EGLN3: variants seen among roughly 807,000 people sequenced by gnomAD.
The protein encoded by EGLN3 is prolyl hydroxylase EGLN3.
Under a neutral mutation model 26.0 loss-of-function variants are expected in EGLN3, and 15 were observed. The ratio of observed to expected loss-of-function variants is 0.58; its 90% confidence interval spans 0.39 to 0.89. EGLN3 has a LOEUF of 0.89. Among genes scored for constraint, EGLN3 ranks in the 40% least tolerant of loss-of-function variants. The probability of loss-of-function intolerance (pLI) is 0.00; values close to 1 mark genes in which losing one functional copy is unlikely to be tolerated. For synonymous variants in EGLN3, 147 were observed against 127.2 expected (o/e 1.16, Z -1.05); for missense variants, 238 against 311.6 (o/e 0.76, Z 1.78).
Position 33,939,506 on chromosome 14 carries a change from G to A in EGLN3, c.358-8291C>T, listed in dbSNP as rs1368645859. ...ATTGCAGGCGTGAGCCACCGCGCCC[G>A]GCCGAAACAATCTTAAAACAGGAGA... On this transcript the variant is annotated intron_variant, in intron 1 of 4. Transcript: ENST00000250457. Among the ~76,000 whole-genome samples the A allele has an allele frequency of 6.1e-5, 7 of 114,120 alleles. No homozygotes were observed. The East Asian group carries it at 1.1e-3, about 18-fold the overall frequency. The allele number at this position is 114,120 out of a possible 152,430, so 74.9% of individuals were successfully genotyped here.
intron 3 of EGLN3, 35 bp downstream of exon 3, chr14:33,929,041 A>G: frequency 6.2e-7 from 1 of 1,609,186 alleles, no homozygotes; most frequent in Non-Finnish European, 8.5e-7. Context: ...TTGTACACCA[A>G]GCTCCGGAAG....
At chr14:33,941,953 A>T (rs376596995) in intron 1 of EGLN3, among the ~76,000 whole-genome samples, 128 of 152,336 alleles carry the variant, frequency 8.4e-4, no homozygotes, top group Middle Eastern at 3.4e-3. Context: ...GTGGTGGGAA[A>T]TTAAGTGTAG....
Position 33,929,158 on chromosome 14 carries a change from C to T in EGLN3, c.532G>A (p.Val178Met). ...FPEGKSFIAD[V>M]EPIFDRLLFF... Reference sequence around the variant, plus strand: ...AGGAGTCTGTCAAAAATGGGCTCCACATCTGCTATGAATGATTTCCCCTCT... The same window carrying T: ...AGGAGTCTGTCAAAAATGGGCTCCATATCTGCTATGAATGATTTCCCCTCT... Residue 178 changes from valine to methionine, a missense_variant, in exon 3 of 5, where the codon GTG becomes ATG. Coordinates refer to ENST00000250457, the MANE Select transcript of EGLN3 (RefSeq NM_022073.4). 1 of 1,614,224 alleles carries T rather than the reference C, an allele frequency of 6.2e-7. No individual in the cohort carries two copies. The highest frequency in any genetic ancestry group is 8.5e-7 in the Non-Finnish European group (1 of 1,180,028).
intron 1 of EGLN3, 62 bp downstream of exon 1, chr14:33,950,334 G>T: frequency 6.7e-7 from 1 of 1,491,540 alleles, no homozygotes. Flanking sequence ...GACATACAAC[G>T]GACTCCGAGT....
In EGLN3 at chr14:33,950,699, G is replaced by T; in HGVS notation, c.54C>A (p.Tyr18Ter). The stretch of plus-strand genomic sequence containing the variant: ...CCACCTCGTGCAGACAGGGCACGAT[G>T]TACTCCAGGGCAATTTTCTCCAGGT... ...RLDLEKIALE[Y>*]IVPCLHEVGF... The change falls in exon 1 of 5, where the codon TAC becomes TAA. Residue 18 changes from tyrosine (Y) to a stop codon, truncating the protein, a stop_gained. Transcript: ENST00000250457. LOFTEE classifies it high-confidence loss of function. 6.2e-7 allele frequency: 1 copy of T among 1,614,022 alleles called. No homozygotes were observed. The highest frequency in any genetic ancestry group is 8.5e-7 in the Non-Finnish European group (1 of 1,179,962).
chr14:33,944,065 T>C (rs1168909428), intron 1 of EGLN3, among the ~76,000 whole-genome samples: 1 of 152,218 alleles, frequency 6.6e-6, no homozygotes, highest in Non-Finnish European at 1.5e-5. Flanking sequence ...CTACTGACCC[T>C]GGTCCCAGTC....
At chr14:33,932,204 T>C (rs1321718744) in intron 1 of EGLN3, among the ~76,000 whole-genome samples, 2 of 152,238 alleles carry the variant, frequency 1.3e-5, no homozygotes, top group Admixed American at 6.5e-5. Flanking sequence ...CACTGATGTA[T>C]TCTTAGCACC....
intron 1 of EGLN3, among the ~76,000 whole-genome samples, chr14:33,935,123 C>T (rs969326723): frequency 1.3e-5 from 2 of 152,200 alleles, no homozygotes; most frequent in African/African-American, 4.8e-5. Context: ...CTGCATTTAG[C>T]TCATTTACAC....
intron 1 of EGLN3, among the ~76,000 whole-genome samples, chr14:33,939,238 T>C (rs1376437405): frequency 3.3e-5 from 5 of 150,688 alleles, no homozygotes; most frequent in African/African-American, 1.2e-4. Flanking sequence ...TGAGACGGAG[T>C]CTCGCTCTGT....
chr14:33,932,724 G>C (rs1294548433), intron 1 of EGLN3, among the ~76,000 whole-genome samples: 1 of 152,170 alleles, frequency 6.6e-6, no homozygotes, highest in Admixed American at 6.6e-5. Flanking sequence ...TAGGCTGTTA[G>C]CTTGAACATC....
chr14:33,939,572 C>T (rs2064468681), intron 1 of EGLN3, among the ~76,000 whole-genome samples: 1 of 152,186 alleles, frequency 6.6e-6, no homozygotes, highest in Non-Finnish European at 1.5e-5. Context: ...AACAGATCTG[C>T]TGAATGAAAG....
intron 1 of EGLN3, 145 bp from the exon 2 acceptor site, chr14:33,931,360 G>T (rs754229849): frequency 4.6e-5 from 59 of 1,269,610 alleles, no homozygotes; most frequent in Non-Finnish European, 6.0e-5. Context: ...TTCATGTATG[G>T]TACATAAATT....
chr14:33,943,100 A>C (rs2064494507), intron 1 of EGLN3, among the ~76,000 whole-genome samples: 1 of 152,226 alleles, frequency 6.6e-6, no homozygotes, highest in Non-Finnish European at 1.5e-5. Flanking sequence ...CAAGATGCAA[A>C]ATTAAAGTAA....
chr14:33,944,676 G>C (rs971034523), intron 1 of EGLN3, among the ~76,000 whole-genome samples: 2 of 152,150 alleles, frequency 1.3e-5, no homozygotes, highest in African/African-American at 4.8e-5. Context: ...GAGCGTAAAC[G>C]TGCACTTTTT....
chr14:33,928,288 T>C (rs2064376570), intron 3 of EGLN3, among the ~76,000 whole-genome samples: 1 of 152,166 alleles, frequency 6.6e-6, no homozygotes, highest in Non-Finnish European at 1.5e-5. Context: ...TTAATTTAAT[T>C]AGGCTTGTTA....
At chr14:33,935,264 T>C (rs2064432842) in intron 1 of EGLN3, among the ~76,000 whole-genome samples, 2 of 152,200 alleles carry the variant, frequency 1.3e-5, no homozygotes, top group Admixed American at 6.5e-5. Context: ...TGATGTGTTA[T>C]GTTTGTCTTC....
chr14:33,947,314 A>G (rs969266694), intron 1 of EGLN3, among the ~76,000 whole-genome samples: 6 of 152,322 alleles, frequency 3.9e-5, no homozygotes, highest in Admixed American at 2.6e-4. Context: ...ATACAGCTGT[A>G]CATTACAGGA....
rs889286450 is a variant in EGLN3, at chr14:33,951,039, G to C, written c.-287C>G. ...GCAAGGAGTCGGAGGGCGCCTTTTG[G>C]GGATGGGAAGCCACCACTGCCGCGA... On this transcript the variant is annotated 5_prime_UTR_variant, in exon 1 of 5. Coordinates refer to ENST00000250457, the MANE Select transcript of EGLN3 (RefSeq NM_022073.4). The C allele has an allele frequency of 1.5e-5, 6 of 391,734 alleles. No homozygotes were observed. Among genetic ancestry groups the C allele is most frequent in the African/African-American group, 1.2e-4 (6 of 48,684 alleles). The allele number at this position is 391,734 out of a possible 1,614,324, so 24.3% of individuals were successfully genotyped here.
chr14:33,930,937 T>G (rs965888469), intron 2 of EGLN3, among the ~76,000 whole-genome samples, 159 bp downstream of exon 2: 2 of 152,226 alleles, frequency 1.3e-5, no homozygotes, highest in African/African-American at 2.4e-5. Context: ...ACTTTAGGAC[T>G]AATTCCATTG....
Sources: allele counts gnomAD v4.1 joint callset (sites outside exome capture counted in the v4.1 genomes callset), GRCh38; gene constraint gnomAD v4.1.1; transcripts MANE v1.5; gene names NCBI Gene and HGNC (gene_info 2026-07-23, HGNC 2026-07-21).